Variants in RAG1 observed in about 807,000 individuals in gnomAD.
RAG1 encodes the protein recombination activating 1, also known as V(D)J recombination-activating protein 1.
A neutral mutation model predicts 62.7 loss-of-function variants in RAG1; 35 were observed. The ratio of observed to expected loss-of-function variants is 0.56; its 90% CI spans 0.43 to 0.74. The LOEUF is 0.74. Ranked by LOEUF, RAG1 falls within the 30% of genes least tolerant of loss-of-function variation. RAG1 has a pLI of 0.00. For missense variants in RAG1, 1,169 were observed against 1,278.6 expected (o/e 0.91, Z 1.31); for synonymous variants, 461 against 470.3 (o/e 0.98, Z 0.26).
chr11:36,514,324 C>A (rs1859966108), intron 1 of RAG1, among the ~76,000 whole-genome samples: 1 of 152,134 alleles, frequency 6.6e-6, no homozygotes, highest in East Asian at 1.9e-4. Context: ...TGGTACACAG[C>A]AATAGATAAT....
In RAG1 at chr11:36,575,726, T is replaced by C; in HGVS notation, c.2422T>C (p.Tyr808His). The C allele has an allele frequency of 8.7e-6, 14 of 1,614,240 alleles. No homozygotes were observed. Among genetic ancestry groups the C allele is most frequent in the Non-Finnish European group, 1.1e-5 (13 of 1,180,046 alleles). ...HCDIGNAAEFYKIFQLEIGEV... is the reference protein window; with the variant it reads ...HCDIGNAAEFHKIFQLEIGEV... The stretch of plus-strand genomic sequence containing the variant: ...TGACATTGGCAATGCAGCTGAGTTC[T>C]ACAAGATCTTCCAGCTAGAGATAGG... Residue 808 changes from tyrosine (Y) to histidine (H), a missense_variant, in exon 2 of 2, where the codon TAC becomes CAC. Around this residue, in one of 2 missense-constraint regions of RAG1, gnomAD observed 800 missense variants for 943.3 expected, o/e 0.85. Transcript: ENST00000299440. The surrounding 1 kb of genome is among the most constrained non-coding windows in gnomAD (Gnocchi z 4.1).
chr11:36,523,792 A>G (rs1449007377), intron 2 of RAG1, among the ~76,000 whole-genome samples: 1 of 152,332 alleles, frequency 6.6e-6, no homozygotes, highest in Non-Finnish European at 1.5e-5. Flanking sequence ...ACATGCAATT[A>G]TAAGATATAA....
chr11:36,575,857 G>A lies in RAG1; in HGVS notation c.2553G>A (p.Arg851=), dbSNP rs567443823. ...AGATGAACCTCAAACCAATCATGAG[G>A]ATGAATGGCAACTTTGCCAGGAAGC... is the stretch of plus-strand genomic sequence containing the variant. ...RKKMNLKPIM[R]MNGNFARKLM... is the part of the protein sequence containing the mutation. The change falls in exon 2 of 2, where the codon AGG becomes AGA. Residue 851 remains arginine (R), a synonymous_variant. Transcript: ENST00000299440. The surrounding 1 kb of genome is among the most constrained non-coding windows in gnomAD (Gnocchi z 4.1). 1 of 1,614,206 alleles carries A rather than the reference G, an allele frequency of 6.2e-7. No individual in the cohort carries two copies. Among genetic ancestry groups the A allele is most frequent in the South Asian group, 1.1e-5 (1 of 91,088 alleles).
At chr11:36,538,974 T>C (rs573124133), downstream of RAG1, among the ~76,000 whole-genome samples, 1 of 152,268 alleles carries the variant, frequency 6.6e-6, no homozygotes, top group East Asian at 1.9e-4. Context: ...TCTCAGTCTT[T>C]TTCTTCTGTT....
chr11:36,526,344 T>C (rs990798195), intron 2 of RAG1, among the ~76,000 whole-genome samples: 19 of 151,540 alleles, frequency 1.3e-4, no homozygotes, highest in Non-Finnish European at 2.2e-4. Flanking sequence ...TTTGGTTTTC[T>C]GTCCTTGTGA....
At chr11:36,515,112 A>T (rs1590657498) in intron 1 of RAG1, among the ~76,000 whole-genome samples, 2 of 152,188 alleles carry the variant, frequency 1.3e-5, no homozygotes, top group Non-Finnish European at 2.9e-5. Flanking sequence ...AGGTGACACA[A>T]CCTGGGGAGA....
chr11:36,574,073 A>T lies in RAG1; in HGVS notation c.769A>T (p.Ile257Phe). 1 of 1,614,186 alleles carries T rather than the reference A, an allele frequency of 6.2e-7. No homozygotes were observed. Among genetic ancestry groups the T allele is most frequent in the Non-Finnish European group, 8.5e-7 (1 of 1,180,020 alleles). Residue 257 changes from isoleucine to phenylalanine, a missense_variant, in exon 2 of 2, where the codon ATC (isoleucine) becomes TTC (phenylalanine). Coordinates refer to ENST00000299440, the MANE Select transcript of RAG1 (RefSeq NM_000448.3). ...RQHKRRAQAR[I>F]SSKDVMKKIA... ...GCACAAGAGAAGAGCTCAGGCAAGG[A>T]TCAGCAGCAAGGATGTCATGAAGAA...
chr11:36,538,273 T>C (rs1409648713), downstream of RAG1, among the ~76,000 whole-genome samples: 1 of 152,198 alleles, frequency 6.6e-6, no homozygotes, highest in Non-Finnish European at 1.5e-5. Context: ...AACAGTATGC[T>C]GCCTATTTCT....
At chr11:36,525,041 C>T (rs1860139055) in intron 2 of RAG1, among the ~76,000 whole-genome samples, 1 of 151,774 alleles carries the variant, frequency 6.6e-6, no homozygotes, top group African/African-American at 2.4e-5. Flanking sequence ...CTCTTTCCTT[C>T]CTTGTTCTTT....
chr11:36,574,299 G>A lies in RAG1; in HGVS notation c.995G>A (p.Arg332Gln), dbSNP rs762022709. 26 of 1,614,058 alleles carry A rather than the reference G, an allele frequency of 1.6e-5. No homozygotes were observed. The highest frequency in any genetic ancestry group is 2.2e-5 in the East Asian group (1 of 44,898). Reference protein sequence around the residue: ...KVMGSYCPSCRYPCFPTDLES... With the variant: ...KVMGSYCPSCQYPCFPTDLES... ...ATGGGCAGCTATTGTCCCTCTTGCC[G>A]ATATCCATGCTTCCCTACTGACCTG... is the stretch of plus-strand genomic sequence containing the variant. The change falls in exon 2 of 2, where the codon CGA becomes CAA. Residue 332 changes from arginine to glutamine, a missense_variant. Physicochemically the swap from Arg to Gln is conservative, Grantham distance 43. Coordinates refer to ENST00000299440, the MANE Select transcript of RAG1 (RefSeq NM_000448.3).
intron 2 of RAG1, among the ~76,000 whole-genome samples, chr11:36,531,980 C>T (rs923287574): frequency 6.6e-6 from 1 of 151,888 alleles, no homozygotes; most frequent in Non-Finnish European, 1.5e-5. Flanking sequence ...CCACAAAATA[C>T]CTTTTCATTT....
At chr11:36,516,473 C>T (rs1453932940) in intron 1 of RAG1, among the ~76,000 whole-genome samples, 1 of 152,234 alleles carries the variant, frequency 6.6e-6, no homozygotes, top group Admixed American at 6.5e-5. Flanking sequence ...AGGCGCCCGC[C>T]ACCACGCCTG....
intron 2 of RAG1, among the ~76,000 whole-genome samples, chr11:36,525,989 G>T (rs555329439): frequency 6.6e-6 from 1 of 152,126 alleles, no homozygotes; most frequent in Non-Finnish European, 1.5e-5. Flanking sequence ...TAGAATGGTC[G>T]ATTACATTAA....
intron 2 of RAG1, among the ~76,000 whole-genome samples, chr11:36,524,564 T>C (rs966109523): frequency 5.9e-5 from 9 of 151,668 alleles, no homozygotes; most frequent in African/African-American, 2.2e-4. Flanking sequence ...CAGTGCACAC[T>C]GCAGGCTCCA....
chr11:36,537,854 T>C (rs1439144575), downstream of RAG1, among the ~76,000 whole-genome samples: 1 of 152,222 alleles, frequency 6.6e-6, no homozygotes, highest in African/African-American at 2.4e-5. Context: ...TATCCTATAG[T>C]ATCTATCTCC....
upstream of RAG1, among the ~76,000 whole-genome samples, chr11:36,564,640 C>T (rs1177774989): frequency 6.6e-6 from 1 of 152,142 alleles, no homozygotes; most frequent in Non-Finnish European, 1.5e-5. Context: ...TGAGCTGCAG[C>T]CGACGTTTAG....
chr11:36,511,336 C>T (rs1396407073), intron 1 of RAG1, among the ~76,000 whole-genome samples: 2 of 152,158 alleles, frequency 1.3e-5, no homozygotes, highest in African/African-American at 4.8e-5. Context: ...TATCTGTAGT[C>T]TCGGCTACTC....
At chr11:36,513,074 G>T (rs1201242273) in intron 1 of RAG1, among the ~76,000 whole-genome samples, 5 of 152,114 alleles carry the variant, frequency 3.3e-5, no homozygotes, top group South Asian at 2.1e-4. Flanking sequence ...CTGGGAGTAG[G>T]TTCCTTATAA....
upstream of RAG1, among the ~76,000 whole-genome samples, chr11:36,564,755 G>A (rs1404561110): frequency 6.6e-6 from 1 of 152,216 alleles, no homozygotes; most frequent in Non-Finnish European, 1.5e-5. Context: ...ATGAGCGTGT[G>A]GAGACGCTGT....
Sources: gnomAD v4.1 joint callset for allele counts (sites outside exome capture counted in the v4.1 genomes callset) on GRCh38, gnomAD v4.1.1 for gene constraint, gnomAD v4.1.1 regional missense constraint, Gnocchi (gnomAD v3.1) non-coding constraint, MANE v1.5 for transcripts, NCBI Gene and HGNC (gene_info 2026-07-23, HGNC 2026-07-21) for gene names.